LRMDA: variants seen among roughly 807,000 people sequenced by gnomAD.
LRMDA encodes the protein leucine-rich melanocyte differentiation-associated protein.
In LRMDA, 18 loss-of-function variants were observed where a neutral mutation model predicts 29.8. That is an observed-to-expected ratio of 0.60 (90% CI 0.42 to 0.90). LRMDA has a LOEUF of 0.90. Among genes scored for constraint, LRMDA ranks in the 40% least tolerant of loss-of-function variants. LRMDA has a pLI of 0.00. For missense variants in LRMDA, 273 were observed against 273.9 expected (o/e 1.00, Z 0.02); for synonymous variants, 125 against 109.4 (o/e 1.14, Z -0.89).
intron 6 of LRMDA, among the ~76,000 whole-genome samples, chr10:76,525,489 C>T (rs1259336999): frequency 3.3e-5 from 5 of 152,194 alleles, no homozygotes; most frequent in East Asian, 3.9e-4. Flanking sequence ...GTGTTTCCGC[C>T]GTGTGAATAT....
intron 5 of LRMDA, among the ~76,000 whole-genome samples, chr10:76,140,174 T>C (rs10824372): frequency 0.17 from 25,370 of 152,040 alleles, 2,354 homozygotes; most frequent in Admixed American, 0.24. Flanking sequence ...TCTACAGCCA[T>C]AGGAGAAGCG....
chr10:76,010,066 C>T (rs11001578), intron 2 of LRMDA, among the ~76,000 whole-genome samples: 9 of 152,068 alleles, frequency 5.9e-5, no homozygotes, highest in Non-Finnish European at 1.2e-4. Context: ...TTCCCTCCCC[C>T]TGAAGGTGGC....
chr10:76,006,642 A>G (rs979039398), intron 2 of LRMDA, among the ~76,000 whole-genome samples: 5 of 152,190 alleles, frequency 3.3e-5, no homozygotes, highest in Non-Finnish European at 5.9e-5. Context: ...CAAAACCTGA[A>G]TTTTAATTGA....
chr10:76,047,334 A>G, intron 4 of LRMDA, 31 bp downstream of exon 4: 3 of 1,571,142 alleles, frequency 1.9e-6, no homozygotes, highest in Non-Finnish European at 2.6e-6. Context: ...CCATGGTGGG[A>G]AAAGGGAAAA....
intron 2 of LRMDA, among the ~76,000 whole-genome samples, chr10:75,987,306 A>T (rs1030374860): frequency 6.6e-6 from 1 of 152,168 alleles, no homozygotes; most frequent in African/African-American, 2.4e-5. Context: ...AGGTTTCTTA[A>T]TCTTGGCACT....
intron 6 of LRMDA, among the ~76,000 whole-genome samples, chr10:76,466,267 C>A (rs909813801): frequency 6.6e-6 from 1 of 152,092 alleles, no homozygotes; most frequent in Non-Finnish European, 1.5e-5. Flanking sequence ...AGGGTATGAG[C>A]AGCTGGTACT....
chr10:76,432,823 G>T (rs896480052), intron 6 of LRMDA, among the ~76,000 whole-genome samples: 2 of 152,114 alleles, frequency 1.3e-5, no homozygotes, highest in African/African-American at 2.4e-5. Flanking sequence ...CTGCATAGTG[G>T]CTTCCACGGG....
At chr10:75,861,904 C>T (rs1033381510) in intron 2 of LRMDA, among the ~76,000 whole-genome samples, 2 of 152,128 alleles carry the variant, frequency 1.3e-5, no homozygotes, top group African/African-American at 4.8e-5. Context: ...TCTTAGAATC[C>T]ACCTGCCAGG....
rs573466492 is a variant in LRMDA, at chr10:76,026,836, T to C, written c.132-9172T>C. Among the ~76,000 whole-genome samples the C allele has an allele frequency of 5.3e-5, 8 of 152,298 alleles. No individual in the cohort carries two copies. In the South Asian group the frequency reaches 1.5e-3, roughly 28 times the overall value. ...GAATATTAGAAGCCATCGAATCTGA[T>C]CTCTATGAAGAAATTCCCTCTAAAC... On this transcript the variant is annotated intron_variant, in intron 2 of 6. Coordinates refer to ENST00000611255, the MANE Select transcript of LRMDA (RefSeq NM_001305581.2).
At chr10:76,347,110 G>A (rs544522987) in intron 6 of LRMDA, among the ~76,000 whole-genome samples, 1 of 152,096 alleles carries the variant, frequency 6.6e-6, no homozygotes, top group Non-Finnish European at 1.5e-5. Flanking sequence ...GATAGATAAA[G>A]GTATGGCAAA....
intron 6 of LRMDA, among the ~76,000 whole-genome samples, chr10:76,516,095 GA>G (rs1843058467): frequency 6.6e-6 from 1 of 152,090 alleles, no homozygotes; most frequent in South Asian, 2.1e-4. Context: ...CTTCCTAAAA[GA>G]AAGTTTCATA....
intron 5 of LRMDA, among the ~76,000 whole-genome samples, chr10:76,074,407 T>G (rs1390664174): frequency 6.6e-6 from 1 of 152,200 alleles, no homozygotes; most frequent in Non-Finnish European, 1.5e-5. Context: ...TGCAGCATTA[T>G]TCACAGCAGA....
At chr10:76,527,049 CAAAAA>C (rs34187065) in intron 6 of LRMDA, among the ~76,000 whole-genome samples, 1 of 105,518 alleles carries the variant, frequency 9.5e-6, no homozygotes, top group Non-Finnish European at 1.9e-5. Flanking sequence ...TCAGGTCTGA[CAAAAA>C]AAAAAAAAAA....
At chr10:76,220,956 G>T (rs1449000791) in intron 5 of LRMDA, among the ~76,000 whole-genome samples, 1 of 151,860 alleles carries the variant, frequency 6.6e-6, no homozygotes, top group Non-Finnish European at 1.5e-5. Context: ...GGGATGCAAG[G>T]CTGGTTCAAT....
intron 2 of LRMDA, among the ~76,000 whole-genome samples, chr10:75,947,246 G>T (rs1846491502): frequency 6.6e-6 from 1 of 152,174 alleles, no homozygotes; most frequent in African/African-American, 2.4e-5. Context: ...TGTCAGTTTT[G>T]TGCGGTTCAA....
chr10:76,112,352 T>C (rs1034283638), intron 5 of LRMDA, among the ~76,000 whole-genome samples: 1 of 152,146 alleles, frequency 6.6e-6, no homozygotes, highest in East Asian at 1.9e-4. Context: ...TGCTTATCGC[T>C]AAGTGAGATC....
intron 6 of LRMDA, among the ~76,000 whole-genome samples, chr10:76,335,059 G>T (rs1035439865): frequency 1.3e-5 from 2 of 152,210 alleles, no homozygotes; most frequent in Non-Finnish European, 2.9e-5. Flanking sequence ...TGAGTTCCAA[G>T]TGTGAAAGGA....
At chr10:76,051,319 C>G (rs901213833) in intron 4 of LRMDA, among the ~76,000 whole-genome samples, 5 of 152,274 alleles carry the variant, frequency 3.3e-5, no homozygotes, top group Non-Finnish European at 7.3e-5. Flanking sequence ...GCCGGTTACT[C>G]TCTGTAGAGG....
chr10:76,025,994 C>A (rs1332503814), intron 2 of LRMDA, among the ~76,000 whole-genome samples: 1 of 151,994 alleles, frequency 6.6e-6, no homozygotes, highest in Non-Finnish European at 1.5e-5. Flanking sequence ...AATGAACAAG[C>A]TATAGAGGTG....
Sources: allele counts gnomAD v4.1 joint callset (sites outside exome capture counted in the v4.1 genomes callset), GRCh38; gene constraint gnomAD v4.1.1; transcripts MANE v1.5; gene names NCBI Gene and HGNC (gene_info 2026-07-23, HGNC 2026-07-21).